RGS12: variants seen among roughly 807,000 people sequenced by gnomAD.
RGS12 encodes regulator of G-protein signaling 12.
In RGS12, 66 loss-of-function variants were observed where a neutral mutation model predicts 120.1. That is an observed-to-expected ratio of 0.55 (90% CI 0.45 to 0.67). RGS12 has a LOEUF of 0.67. Ranked by LOEUF, RGS12 falls within the 30% of genes least tolerant of loss-of-function variation. RGS12 has a pLI of 0.00. For synonymous variants in RGS12, 827 were observed against 804.7 expected (o/e 1.03, Z -0.47); for missense variants, 1,859 against 1,957.7 (o/e 0.95, Z 0.95).
At chr4:3,291,699 C>G (rs534370936), upstream of RGS12, among the ~76,000 whole-genome samples, 12 of 152,262 alleles carry the variant, frequency 7.9e-5, no homozygotes, top group East Asian at 2.3e-3. Context: ...GTCCCTTGGC[C>G]ATAGGTCGCA....
rs376850074 is a variant in RGS12 at position 3,417,772 on chromosome 4, G to A, written c.2761+231G>A. On this transcript the variant is annotated intron_variant, in intron 9 of 17. Coordinates refer to ENST00000336727, the MANE Select transcript of RGS12 (RefSeq NM_001394154.1). ...TGCTCCAGAATCTTCCAGAGAAAAG[G>A]GCTCAATACATTTCAGCCCATGCCT... 100 of 544,746 alleles carry A rather than the reference G, an allele frequency of 1.8e-4. 1 individual carries two copies. In the East Asian group the frequency reaches 2.3e-3, roughly 13 times the overall value. 33.7% of individuals were successfully genotyped at this position (544,746 alleles called of 1,614,324 possible).
At chr4:3,342,255 T>G (rs995722559) in intron 2 of RGS12, among the ~76,000 whole-genome samples, 5 of 152,106 alleles carry the variant, frequency 3.3e-5, no homozygotes, top group Admixed American at 2.6e-4. Context: ...CTCCCAACTG[T>G]GATGCTTTTT....
intron 2 of RGS12, among the ~76,000 whole-genome samples, chr4:3,335,482 C>G (rs1712342096): frequency 6.6e-6 from 1 of 152,196 alleles, no homozygotes; most frequent in South Asian, 2.1e-4. Flanking sequence ...CTCCGCATCA[C>G]CTTCCTGCTC....
At chr4:3,423,111 G>T (rs972700407) in intron 12 of RGS12, 133 bp downstream of exon 12, 2 of 657,478 alleles carry the variant, frequency 3.0e-6, no homozygotes, top group Non-Finnish European at 5.3e-6. Context: ...TGTCGGGGCG[G>T]GGGGAGGGTG....
intron 4 of RGS12, among the ~76,000 whole-genome samples, chr4:3,395,649 A>G (rs903673594): frequency 8.5e-5 from 13 of 152,182 alleles, no homozygotes; most frequent in African/African-American, 3.1e-4. Flanking sequence ...TAATAGTTTT[A>G]GTTCTCAGTC....
At chr4:3,335,658 T>C (rs1361079680) in intron 2 of RGS12, among the ~76,000 whole-genome samples, 1 of 152,132 alleles carries the variant, frequency 6.6e-6, no homozygotes, top group Non-Finnish European at 1.5e-5. Context: ...TCAGAAACAA[T>C]GGATGGGCTG....
At chr4:3,357,411 T>A (rs1272667688) in intron 3 of RGS12, among the ~76,000 whole-genome samples, 1 of 152,196 alleles carries the variant, frequency 6.6e-6, no homozygotes, top group Non-Finnish European at 1.5e-5. Context: ...TTTTTTCATT[T>A]GTTGCCTGTG....
At chr4:3,335,567 A>T (rs1488652811) in intron 2 of RGS12, among the ~76,000 whole-genome samples, 1 of 152,140 alleles carries the variant, frequency 6.6e-6, no homozygotes, top group Non-Finnish European at 1.5e-5. Flanking sequence ...TCACCATAGC[A>T]ACGTTTCACC....
intron 1 of RGS12, among the ~76,000 whole-genome samples, chr4:3,295,264 G>A (rs543031327): frequency 4.3e-4 from 65 of 152,322 alleles, no homozygotes; most frequent in Non-Finnish European, 7.1e-4. Flanking sequence ...CAGCGCTTCC[G>A]GCTGATAGAA....
chr4:3,329,763 A>G (rs1711634858), intron 2 of RGS12, among the ~76,000 whole-genome samples: 1 of 152,244 alleles, frequency 6.6e-6, no homozygotes. Flanking sequence ...GTTATATAAA[A>G]TAAAGGTACA....
At chr4:3,426,536 C>G (rs1386630146) in intron 14 of RGS12, 3 of 152,294 alleles carry the variant, frequency 2.0e-5, no homozygotes, top group Non-Finnish European at 4.4e-5. Flanking sequence ...GCTGGTTCTG[C>G]AGTTCCTTGC....
chr4:3,391,671 T>C (rs558224714), intron 4 of RGS12, among the ~76,000 whole-genome samples: 72 of 152,314 alleles, frequency 4.7e-4, no homozygotes, highest in African/African-American at 1.5e-3. Flanking sequence ...TGAGAAGCAG[T>C]GTCCGCCCTG....
rs780508735 is a variant in RGS12, at chr4:3,423,553, A to T, written c.3146A>T (p.Lys1049Met). The T allele has an allele frequency of 1.2e-6, 2 of 1,613,078 alleles. No individual in the cohort carries two copies. The highest frequency in any genetic ancestry group is 1.7e-6 in the Non-Finnish European group (2 of 1,179,950). The change falls in exon 13 of 18, where the codon AAG (lysine) becomes ATG (methionine). Residue 1049 changes from lysine to methionine, a missense_variant. Around this residue, in one of 3 missense-constraint regions of RGS12, gnomAD observed 375 missense variants for 475.0 expected, o/e 0.79. Transcript: ENST00000336727. The part of the protein sequence containing the change: ...LVPINRSVGL[K>M]AKPTKPVTEV... ...CCGATTAACCGGTCAGTGGGACTCA[A>T]GGCCAAGCCCACCAAGCCCGTCACG...
At chr4:3,370,821 G>A (rs1256054068) in intron 3 of RGS12, among the ~76,000 whole-genome samples, 1 of 152,142 alleles carries the variant, frequency 6.6e-6, no homozygotes, top group Non-Finnish European at 1.5e-5. Flanking sequence ...TACTATATAA[G>A]CTTATGAAGT....
chr4:3,393,529 A>T (rs1338646845), intron 4 of RGS12, among the ~76,000 whole-genome samples: 1 of 151,690 alleles, frequency 6.6e-6, no homozygotes, highest in Non-Finnish European at 1.5e-5. Flanking sequence ...TGGTTCATGG[A>T]GTGCCTCTGG....
intron 4 of RGS12, among the ~76,000 whole-genome samples, chr4:3,397,329 C>T (rs921568771): frequency 4.6e-5 from 7 of 152,222 alleles, no homozygotes; most frequent in East Asian, 1.9e-4. Flanking sequence ...AGTGCGTGGC[C>T]GGGCCAGAGC....
chr4:3,335,575 A>G (rs1712357007), intron 2 of RGS12, among the ~76,000 whole-genome samples: 1 of 151,982 alleles, frequency 6.6e-6, no homozygotes, highest in South Asian at 2.1e-4. Flanking sequence ...GCAACGTTTC[A>G]CCCTCACAGG....
chr4:3,320,295 G>A (rs1196440695), intron 2 of RGS12, among the ~76,000 whole-genome samples: 1 of 152,226 alleles, frequency 6.6e-6, no homozygotes, highest in Non-Finnish European at 1.5e-5. Flanking sequence ...GGGGGAATAG[G>A]TGGGGTTGTG....
chr4:3,387,552 C>T (rs1029623651), intron 4 of RGS12, among the ~76,000 whole-genome samples: 4 of 152,114 alleles, frequency 2.6e-5, no homozygotes, highest in Non-Finnish European at 5.9e-5. Context: ...AGAGGGATCC[C>T]GACACTCGTG....
Sources: allele counts gnomAD v4.1 joint callset (sites outside exome capture counted in the v4.1 genomes callset), GRCh38; gene constraint gnomAD v4.1.1; regional missense constraint gnomAD v4.1.1; transcripts MANE v1.5; gene names NCBI Gene and HGNC (gene_info 2026-07-23, HGNC 2026-07-21).